The following GPC2 variants were observed in gnomAD, a reference collection of about 807,000 sequenced individuals.
GPC2 encodes the protein glypican-2.
Under a neutral mutation model 57.3 loss-of-function variants are expected in GPC2, and 42 were observed. That is an observed-to-expected ratio of 0.73 (90% confidence interval 0.57 to 0.95). The LOEUF is 0.95. Among genes scored for constraint, GPC2 ranks in the 40% least tolerant of loss-of-function variants. The pLI, the probability that GPC2 is intolerant of heterozygous loss-of-function variation, is 0.00. For synonymous variants in GPC2, 364 were observed against 343.4 expected (o/e 1.06, Z -0.66); for missense variants, 745 against 793.6 (o/e 0.94, Z 0.74).
rs143363643 is a variant in GPC2, at chr7:100,173,993, G to A, written c.734C>T (p.Pro245Leu). ...AGCCTGGCTGCAGCCTTCAGACACC[G>A]GCACCTGGGGGCAGAGAGTGGGGCT... ...RNVVSEALKVPVSEGCSQALM... is the reference protein window; with the variant it reads ...RNVVSEALKVLVSEGCSQALM... Residue 245 changes from proline (P) to leucine (L), a missense_variant, in exon 5 of 10, where the codon CCG becomes CTG. By Grantham distance (98) the Pro-to-Leu change is moderately conservative. Transcript: ENST00000292377. The A allele has an allele frequency of 6.9e-5, 108 of 1,568,118 alleles. 1 individual carries two copies. Among genetic ancestry groups the A allele is most frequent in the South Asian group, 2.2e-4 (19 of 85,010 alleles).
intron 1 of GPC2, 73 bp from the exon 2 acceptor site, chr7:100,176,438 G>A (rs1799283582): frequency 7.1e-7 from 1 of 1,410,074 alleles, no homozygotes; most frequent in Admixed American, 1.8e-5. Flanking sequence ...GCCTATCTCT[G>A]GGGACTATGC....
At chr7:100,170,929 C>G (rs898801225) in intron 9 of GPC2, 7 of 345,798 alleles carry the variant, frequency 2.0e-5, no homozygotes, top group African/African-American at 1.5e-4. Context: ...CCTGCGGAGC[C>G]AGCTCAATGT....
intron 5 of GPC2, 195 bp downstream of exon 5, chr7:100,173,640 C>A: frequency 2.3e-6 from 1 of 431,334 alleles, no homozygotes. Context: ...TTCTTTCCTT[C>A]TTTCTTTCTC....
Position 100,171,060 on chromosome 7 carries a change from A to G in GPC2, c.1486+201T>C, listed in dbSNP as rs936251232. On this transcript the variant is annotated intron_variant, in intron 9 of 9. Transcript: ENST00000292377. This position sits in a 1 kb window ranked among gnomAD's most constrained non-coding sequence, Gnocchi z 4.8. ...TTAAGAATGTTTTCGTGTCTCCCCT[A>G]CTGGCCTGAAAGGATACAGACCCCC... 4.2e-6 allele frequency: 2 copies of G among 481,658 alleles called. No individual in the cohort carries two copies. Among genetic ancestry groups the G allele is most frequent in the African/African-American group, 4.1e-5 (2 of 48,932 alleles). 29.8% of individuals were successfully genotyped at this position (481,658 alleles called of 1,614,324 possible). A position where few individuals can be genotyped will look rare whatever the true frequency, so the allele number is the denominator to read the frequency against.
In GPC2 at chr7:100,169,606, T is replaced by C. The variant is rs1054942651; in HGVS notation, c.*624A>G. The C allele has an allele frequency of 1.3e-5, 2 of 152,556 alleles. No homozygotes were observed. Among genetic ancestry groups the C allele is most frequent in the East Asian group, 1.9e-4 (1 of 5,196 alleles). 9.5% of individuals were successfully genotyped at this position (152,556 alleles called of 1,614,324 possible). ...GACAGCACAGAAGCCACACATGGGG[T>C]CCAATACATTACCATTTATTTGCAG... On this transcript the variant is annotated 3_prime_UTR_variant, in exon 10 of 10. Coordinates refer to ENST00000292377, the MANE Select transcript of GPC2 (RefSeq NM_152742.3).
intron 5 of GPC2, among the ~76,000 whole-genome samples, chr7:100,172,649 A>ATGTGTGTGTGTATATATATATGTGTG (rs1799198581): frequency 8.5e-6 from 1 of 118,144 alleles, no homozygotes; most frequent in African/African-American, 3.6e-5. Flanking sequence ...ATATATATAT[A>ATGTGTGTGTGTATATATATATGTGTG]TGTGTGTGTG....
In GPC2 at chr7:100,172,209, G is replaced by A; in HGVS notation, c.901C>T (p.Leu301=). 1 of 1,613,920 alleles carries A rather than the reference G, an allele frequency of 6.2e-7. No homozygotes were observed. The highest frequency in any genetic ancestry group is 8.5e-7 in the Non-Finnish European group (1 of 1,179,950). ...CCCTGGAGCTTATCAGCCAGGATCA[G>A]GAGACCATCTTAAGGGAGGGAGAGA... The part of the protein sequence containing the change: ...PDWGNYLDGL[L]ILADKLQGPF... The change falls in exon 6 of 10, where the codon CTG becomes TTG. Residue 301 remains leucine, a synonymous_variant. Transcript: ENST00000292377.
rs951003856 is a variant in GPC2, at chr7:100,172,000, G to C, written c.1024-75C>G. On this transcript the variant is annotated intron_variant, in intron 6 of 9. Transcript: ENST00000292377. The surrounding 1 kb of genome is among the most constrained non-coding windows in gnomAD (Gnocchi z 4.8). The stretch of plus-strand genomic sequence containing the variant: ...ACTGCGTCCCCACTCTGACCCCAGA[G>C]TCTCTTCCCAGATCCCCTATACTGC... 6.3e-7 allele frequency: 1 copy of C among 1,575,918 alleles called. No homozygotes were observed. Among genetic ancestry groups the C allele is most frequent in the Non-Finnish European group, 8.6e-7 (1 of 1,159,294 alleles).
Position 100,177,037 on chromosome 7 carries a change from A to C in GPC2, c.163T>G (p.Ser55Ala). The C allele has an allele frequency of 4.2e-6, 5 of 1,195,354 alleles. No homozygotes were observed. The highest frequency in any genetic ancestry group is 5.6e-6 in the Non-Finnish European group (5 of 886,258). The allele number at this position is 1,195,354 out of a possible 1,614,324, so 74.0% of individuals were successfully genotyped here. The change falls in exon 1 of 10, where the codon TCA becomes GCA. Residue 55 changes from serine (S) to alanine (A), a missense_variant. This residue lies in a region of GPC2 where 138 missense variants were observed against 189.8 expected (regional missense o/e 0.73). Transcript: ENST00000292377. ...SLNLIPPALI[S>A]GEHLRVCPQE... ...TAGTCTTCCTCTTTCTCCTCACCTG[A>C]GATCAGGGCGGGAGGGATTAGGTTT...
At chr7:100,175,478 G>A (rs1368297395) in intron 3 of GPC2, 94 bp downstream of exon 3, 4 of 971,572 alleles carry the variant, frequency 4.1e-6, no homozygotes, top group Admixed American at 2.2e-5. Context: ...CAGGTCAGAG[G>A]TGACTGGAGC....
intron 5 of GPC2, 135 bp from the exon 6 acceptor site, chr7:100,172,352 T>G (rs1799193218): frequency 7.4e-6 from 7 of 940,224 alleles, no homozygotes; most frequent in Non-Finnish European, 1.1e-5. Flanking sequence ...CCCTCTCATG[T>G]ATCCCCCCAA....
Position 100,171,901 on chromosome 7 carries a change from C to CGG in GPC2, c.1046_1047dup (p.Asp350ProfsTer25). The CGG allele has an allele frequency of 6.7e-7, 1 of 1,497,792 alleles. No homozygotes were observed. The highest frequency in any genetic ancestry group is 8.9e-7 in the Non-Finnish European group (1 of 1,128,540). 92.8% of individuals were successfully genotyped at this position (1,497,792 alleles called of 1,614,324 possible). On this transcript the variant is annotated frameshift_variant, in exon 7 of 10. Transcript: ENST00000292377. LOFTEE classifies it high-confidence loss of function. The surrounding 1 kb of genome is among the most constrained non-coding windows in gnomAD (Gnocchi z 4.8). ...CGACGGTTGCGGGCAGGCACCGGGTCGGGGGGGCCGCACTCCTGAAACACC... is the reference window on the plus strand; with the variant it reads ...CGACGGTTGCGGGCAGGCACCGGGTCGGGGGGGGGCCGCACTCCTGAAACACC...
intron 3 of GPC2, among the ~76,000 whole-genome samples, 176 bp from the exon 4 acceptor site, chr7:100,174,941 G>T (rs539629116): frequency 2.6e-5 from 4 of 152,250 alleles, no homozygotes; most frequent in African/African-American, 9.6e-5. Flanking sequence ...AGGAATTATA[G>T]TCTTAAAGAA....
In GPC2 at chr7:100,173,838, G is replaced by A; in HGVS notation, c.889C>T (p.Leu297=). ...AGGCTTTCTTGAATCCCCTCACCCA[G>A]ATAGTTGCCCCAGTCAGGCTCCAGT... ...RGLEPDWGNY[L]DGLLILADKL... Residue 297 remains leucine, a synonymous_variant, in exon 5 of 10, where the codon CTG becomes TTG. Coordinates refer to ENST00000292377, the MANE Select transcript of GPC2 (RefSeq NM_152742.3). The A allele has an allele frequency of 6.4e-7, 1 of 1,561,144 alleles. No homozygotes were observed. The highest frequency in any genetic ancestry group is 8.7e-7 in the Non-Finnish European group (1 of 1,153,990).
Position 100,173,953 on chromosome 7 carries a change from G to T in GPC2, c.774C>A (p.Ile258=). ...EGCSQALMRL[I]GCPLCRGVPS... is the part of the protein sequence containing the mutation. ...GGACCCCCCGGCACAGGGGACAGCC[G>T]ATGAGACGCATCAGAGCCTGGCTGC... The change falls in exon 5 of 10, where the codon ATC becomes ATA. Residue 258 remains isoleucine, a synonymous_variant. Transcript: ENST00000292377. 16 of 1,600,386 alleles carry T rather than the reference G, an allele frequency of 1.0e-5. No homozygotes were observed. The highest frequency in any genetic ancestry group is 1.4e-5 in the Non-Finnish European group (16 of 1,173,694).
chr7:100,176,164 G>C (rs745729376), intron 2 of GPC2, 43 bp downstream of exon 2: 28 of 1,546,682 alleles, frequency 1.8e-5, no homozygotes, highest in Non-Finnish European at 2.1e-5. Flanking sequence ...CCTAAGCACC[G>C]AGAGGAGCTG....
Position 100,171,647 on chromosome 7 carries a change from A to C in GPC2, c.1202T>G (p.Met401Arg). 6.6e-7 allele frequency: 1 copy of C among 1,524,824 alleles called. No homozygotes were observed. The highest frequency in any genetic ancestry group is 1.4e-5 in the African/African-American group (1 of 69,978). The allele number at this position is 1,524,824 out of a possible 1,614,324, so 94.5% of individuals were successfully genotyped here. Residue 401 changes from methionine (M) to arginine (R), a missense_variant, in exon 8 of 10, where the codon ATG (methionine) becomes AGG (arginine). Coordinates refer to ENST00000292377, the MANE Select transcript of GPC2 (RefSeq NM_152742.3). The surrounding 1 kb of genome is among the most constrained non-coding windows in gnomAD (Gnocchi z 4.8). ...VWELRERLAR[M>R]RGFWARLSLT... ...GGACAGCCGGGCCCAGAAGCCCCGC[A>C]TCCGGGCCAGACGCTCGCGGAGCTC...
In GPC2 at chr7:100,177,112, G is replaced by A. The variant is rs1388946096; in HGVS notation, c.88C>T (p.Arg30Trp). 1.2e-6 allele frequency: 2 copies of A among 1,613,106 alleles called. No individual in the cohort carries two copies. The highest frequency in any genetic ancestry group is 3.3e-5 in the Admixed American group (2 of 59,932). The change falls in exon 1 of 10, where the codon CGG (arginine) becomes TGG (tryptophan). Residue 30 changes from arginine to tryptophan, a missense_variant. Transcript: ENST00000292377. ...PGPGSEAKVT[R>W]SCAETRQVLG... Reference sequence around the variant, plus strand: ...ACCTGCCGGGTCTCTGCACAACTCCGGGTGACCTTTGCCTCGCTCCCGGGT... The same window carrying A: ...ACCTGCCGGGTCTCTGCACAACTCCAGGTGACCTTTGCCTCGCTCCCGGGT...
At position 100,171,653 on chromosome 7, in the gene GPC2, G is replaced by A; in HGVS notation, c.1196C>T (p.Ala399Val). The A allele has an allele frequency of 1.3e-6, 2 of 1,519,198 alleles. No homozygotes were observed. The highest frequency in any genetic ancestry group is 1.7e-6 in the Non-Finnish European group (2 of 1,144,792). 94.1% of individuals were successfully genotyped at this position (1,519,198 alleles called of 1,614,324 possible). A position where few individuals can be genotyped will look rare whatever the true frequency, so the allele number is the denominator to read the frequency against. ...CCGGGCCCAGAAGCCCCGCATCCGG[G>A]CCAGACGCTCGCGGAGCTCCCACAC... ...RLVWELRERL[A>V]RMRGFWARLS... Residue 399 changes from alanine (A) to valine (V), a missense_variant, in exon 8 of 10, where the codon GCC becomes GTC. By Grantham distance (64) the Ala-to-Val change is moderately conservative. This residue lies in a region of GPC2 where 607 missense variants were observed against 603.9 expected (regional missense o/e 1.01). Coordinates refer to ENST00000292377, the MANE Select transcript of GPC2 (RefSeq NM_152742.3). This position sits in a 1 kb window ranked among gnomAD's most constrained non-coding sequence, Gnocchi z 4.8.
Sources: gnomAD v4.1 joint callset for allele counts (sites outside exome capture counted in the v4.1 genomes callset) on GRCh38, gnomAD v4.1.1 for gene constraint, gnomAD v4.1.1 regional missense constraint, Gnocchi (gnomAD v3.1) non-coding constraint, MANE v1.5 for transcripts, NCBI Gene and HGNC (gene_info 2026-07-23, HGNC 2026-07-21) for gene names.